The following TNR variants were observed in gnomAD, a reference collection of about 807,000 sequenced individuals.
The protein encoded by TNR is tenascin-R.
In TNR, 45 loss-of-function variants were observed where a neutral mutation model predicts 150.4. The ratio of observed to expected loss-of-function variants is 0.30; its 90% CI spans 0.24 to 0.38. The LOEUF (loss-of-function observed/expected upper bound fraction) is 0.38. Ranked by LOEUF, TNR falls within the 10% of genes least tolerant of loss-of-function variation. The probability of loss-of-function intolerance (pLI) is 1.00; values close to 1 mark genes in which losing one functional copy is unlikely to be tolerated. For missense variants in TNR, 1,544 were observed against 1,759.1 expected (o/e 0.88, Z 2.19); for synonymous variants, 687 against 678.4 (o/e 1.01, Z -0.20).
chr1:175,682,410 C>T (rs1298861039), intron 1 of TNR, among the ~76,000 whole-genome samples: 2 of 151,980 alleles, frequency 1.3e-5, no homozygotes, highest in Admixed American at 1.3e-4. Context: ...TACAGTCAGA[C>T]AGTCAGGGTG....
At chr1:175,697,457 ACAT>A (rs1218574623) in intron 1 of TNR, among the ~76,000 whole-genome samples, 1 of 151,926 alleles carries the variant, frequency 6.6e-6, no homozygotes, top group Non-Finnish European at 1.5e-5. Flanking sequence ...ATACAGAAAT[ACAT>A]CATCACTTGT....
rs1649143378 is a variant in TNR, at chr1:175,322,982, A to G, written c.*375T>C. The G allele has an allele frequency of 6.2e-6, 1 of 160,092 alleles. No homozygotes were observed. Among genetic ancestry groups the G allele is most frequent in the Non-Finnish European group, 1.4e-5 (1 of 73,500 alleles). 9.9% of individuals were successfully genotyped at this position (160,092 alleles called of 1,614,324 possible). ...CATGTCAGGCTGTGACAAAATCACAAATACCTGGAAGGCAGAGGACATCTC... is the reference window on the plus strand; with the variant it reads ...CATGTCAGGCTGTGACAAAATCACAGATACCTGGAAGGCAGAGGACATCTC... On this transcript the variant is annotated 3_prime_UTR_variant, in exon 23 of 23. Coordinates refer to ENST00000367674, the MANE Select transcript of TNR (RefSeq NM_003285.3).
At chr1:175,346,246 TA>T (rs1332780309) in intron 18 of TNR, among the ~76,000 whole-genome samples, 8 of 152,220 alleles carry the variant, frequency 5.3e-5, no homozygotes, top group Admixed American at 2.6e-4. Context: ...GGAAAAACTT[TA>T]TTTATATTGT....
At chr1:175,497,909 A>G (rs1314481679) in intron 2 of TNR, among the ~76,000 whole-genome samples, 1 of 152,004 alleles carries the variant, frequency 6.6e-6, no homozygotes, top group Admixed American at 6.6e-5. Context: ...AAAGTAGAAA[A>G]ATTAGCTGGG....
At chr1:175,511,354 T>C (rs953545598) in intron 2 of TNR, among the ~76,000 whole-genome samples, 1 of 152,272 alleles carries the variant, frequency 6.6e-6, no homozygotes, top group Non-Finnish European at 1.5e-5. Flanking sequence ...CCAAAGCTAT[T>C]TTTTATTATT....
chr1:175,657,223 C>T (rs992361954), intron 1 of TNR, among the ~76,000 whole-genome samples: 23 of 152,138 alleles, frequency 1.5e-4, no homozygotes, highest in African/African-American at 5.6e-4. Context: ...TAATGAGATA[C>T]CATCTCAAAC....
intron 2 of TNR, among the ~76,000 whole-genome samples, chr1:175,523,594 G>A (rs1315463542): frequency 6.6e-6 from 1 of 152,106 alleles, no homozygotes; most frequent in African/African-American, 2.4e-5. Flanking sequence ...CATCTGTTTG[G>A]GTGGATTCAT....
intron 1 of TNR, among the ~76,000 whole-genome samples, chr1:175,535,447 TTTGTTGTTG>T (rs138597544): frequency 6.7e-5 from 10 of 148,194 alleles, no homozygotes; most frequent in Non-Finnish European, 1.0e-4. Context: ...TTATTTATTT[TTTGTTGTTG>T]TTGTTGTTGT....
chr1:175,710,546 G>A (rs911172612), intron 1 of TNR, among the ~76,000 whole-genome samples: 1 of 152,124 alleles, frequency 6.6e-6, no homozygotes, highest in African/African-American at 2.4e-5. Flanking sequence ...AGAGTGCAGA[G>A]TGCCAAGTGA....
chr1:175,399,378 C>G (rs913345387), intron 4 of TNR, among the ~76,000 whole-genome samples: 1 of 152,144 alleles, frequency 6.6e-6, no homozygotes, highest in African/African-American at 2.4e-5. Context: ...CTAAGAAGAG[C>G]ATTTTGGGAT....
chr1:175,671,964 A>G (rs769125831), intron 1 of TNR, among the ~76,000 whole-genome samples: 1 of 135,640 alleles, frequency 7.4e-6, no homozygotes, highest in Non-Finnish European at 1.6e-5. Flanking sequence ...AGAGGGGGAA[A>G]GGAATACCAA....
chr1:175,633,502 GTT>G (rs1421968655), intron 1 of TNR, among the ~76,000 whole-genome samples: 7 of 152,130 alleles, frequency 4.6e-5, no homozygotes, highest in Non-Finnish European at 8.8e-5. Context: ...GGACAATCCA[GTT>G]TGTGCTAAAA....
chr1:175,348,900 T>C (rs1471088676), intron 18 of TNR, among the ~76,000 whole-genome samples: 2 of 152,246 alleles, frequency 1.3e-5, no homozygotes, highest in East Asian at 3.9e-4. Flanking sequence ...TAATATTTAG[T>C]ACAGGAACCC....
chr1:175,573,590 G>A (rs1429858651), intron 1 of TNR, among the ~76,000 whole-genome samples: 1 of 152,256 alleles, frequency 6.6e-6, no homozygotes, highest in Non-Finnish European at 1.5e-5. Context: ...GGCAAAGACT[G>A]TGGGATTAAC....
At chr1:175,638,759 C>T (rs189169086) in intron 1 of TNR, among the ~76,000 whole-genome samples, 1 of 152,164 alleles carries the variant, frequency 6.6e-6, no homozygotes, top group African/African-American at 2.4e-5. Flanking sequence ...AAATCATCCA[C>T]CCATAGGGCT....
rs538365294 is a variant in TNR at position 175,575,876 on chromosome 1, C to T, written c.-164-47507G>A. Among the ~76,000 whole-genome samples the T allele has an allele frequency of 3.3e-5, 5 of 152,248 alleles. No individual in the cohort carries two copies. In the South Asian group the frequency reaches 8.3e-4, roughly 25 times the overall value. On this transcript the variant is annotated intron_variant, in intron 1 of 22. Coordinates refer to ENST00000367674, the MANE Select transcript of TNR (RefSeq NM_003285.3). The stretch of plus-strand genomic sequence containing the variant: ...CTAAGTTGAACCAAGCTGGAGCCTG[C>T]AGATGCCAGTGGAAAAGTCATCCTC...
intron 2 of TNR, among the ~76,000 whole-genome samples, chr1:175,493,112 A>G (rs942979347): frequency 6.6e-6 from 1 of 152,086 alleles, no homozygotes; most frequent in Non-Finnish European, 1.5e-5. Flanking sequence ...CTCATGCACC[A>G]TAGCTGTCCC....
chr1:175,386,966 T>C (rs2102031728), intron 7 of TNR, among the ~76,000 whole-genome samples: 1 of 152,294 alleles, frequency 6.6e-6, no homozygotes, highest in Non-Finnish European at 1.5e-5. Context: ...TCTCCATCTG[T>C]TCTTGCATAT....
At chr1:175,721,526 ACT>A (rs1420868274) in intron 1 of TNR, among the ~76,000 whole-genome samples, 1 of 151,672 alleles carries the variant, frequency 6.6e-6, no homozygotes, top group African/African-American at 2.4e-5. Context: ...CTCCTAACTG[ACT>A]CTCTTGAAAC....
Sources: gnomAD v4.1 joint callset for allele counts (sites outside exome capture counted in the v4.1 genomes callset) on GRCh38, gnomAD v4.1.1 for gene constraint, MANE v1.5 for transcripts, NCBI Gene and HGNC (gene_info 2026-07-23, HGNC 2026-07-21) for gene names.